The following UBE2J1 variants were observed in gnomAD, a reference collection of about 807,000 sequenced individuals.
UBE2J1 encodes the protein ubiquitin-conjugating enzyme E2 J1.
UBE2J1 carries 17 observed loss-of-function variants against 42.1 expected under a neutral mutation model. The observed-to-expected ratio is 0.40, with a 90% CI of 0.28 to 0.61. UBE2J1 has a LOEUF of 0.61. Among genes scored for constraint, UBE2J1 ranks in the 20% least tolerant of loss-of-function variants. The pLI, the probability that UBE2J1 is intolerant of heterozygous loss-of-function variation, is 0.38. For missense variants in UBE2J1, 291 were observed against 389.4 expected (o/e 0.75, Z 2.13); for synonymous variants, 127 against 137.2 (o/e 0.93, Z 0.52).
Position 89,343,770 on chromosome 6 carries a change from C to A in UBE2J1, c.32-14G>T. Reference sequence around the variant, plus strand: ...AACGTTTAACAGCTAAAATAAAATTCATAAAATAGAGATATTTAAAATATA... The same window carrying A: ...AACGTTTAACAGCTAAAATAAAATTAATAAAATAGAGATATTTAAAATATA... On this transcript the variant is annotated splice_polypyrimidine_tract_variant and intron_variant, in intron 1 of 7. Coordinates refer to ENST00000435041, the MANE Select transcript of UBE2J1 (RefSeq NM_016021.3). 6.3e-7 allele frequency: 1 copy of A among 1,579,370 alleles called. No homozygotes were observed. Among genetic ancestry groups the A allele is most frequent in the Non-Finnish European group, 8.6e-7 (1 of 1,156,972 alleles).
At chr6:89,349,368 G>GA (rs1768422257) in intron 1 of UBE2J1, among the ~76,000 whole-genome samples, 1 of 152,198 alleles carries the variant, frequency 6.6e-6, no homozygotes, top group South Asian at 2.1e-4. Flanking sequence ...GAAAGCTACT[G>GA]AAAATTTTTC....
intron 1 of UBE2J1, among the ~76,000 whole-genome samples, chr6:89,346,362 G>T (rs7743444): frequency 0.33 from 49,454 of 151,874 alleles, 9,157 homozygotes; most frequent in East Asian, 0.58. Context: ...ACTAAAGACT[G>T]ACGGCTGGGA....
intron 1 of UBE2J1, 120 bp from the exon 2 acceptor site, chr6:89,343,876 G>T: frequency 1.5e-6 from 1 of 650,976 alleles, no homozygotes; most frequent in Non-Finnish European, 2.5e-6. Context: ...ATATGGCAAA[G>T]GTTTAATTAT....
At chr6:89,346,266 GTTC>G (rs1288582813) in intron 1 of UBE2J1, among the ~76,000 whole-genome samples, 1 of 152,044 alleles carries the variant, frequency 6.6e-6, no homozygotes, top group Non-Finnish European at 1.5e-5. Flanking sequence ...CAGAGACTTT[GTTC>G]ACTGGATCAT....
At chr6:89,334,748 G>C (rs998247556) in intron 6 of UBE2J1, among the ~76,000 whole-genome samples, 1 of 152,104 alleles carries the variant, frequency 6.6e-6, no homozygotes, top group Admixed American at 6.5e-5. Context: ...GATTACAGGC[G>C]TGAGCCACCG....
At chr6:89,335,525 A>C (rs1224728389) in intron 5 of UBE2J1, 94 bp from the exon 6 acceptor site, 2 of 919,918 alleles carry the variant, frequency 2.2e-6, no homozygotes, top group South Asian at 2.9e-5. Context: ...TAAACTTAAA[A>C]GAAAGGAACA....
At chr6:89,347,673 TG>T in intron 1 of UBE2J1, among the ~76,000 whole-genome samples, 1 of 152,096 alleles carries the variant, frequency 6.6e-6, no homozygotes, top group South Asian at 2.1e-4. Flanking sequence ...ATTAGTCTCT[TG>T]TTTCCATAAG....
At chr6:89,335,977 A>G (rs1349268093) in intron 5 of UBE2J1, among the ~76,000 whole-genome samples, 1 of 152,178 alleles carries the variant, frequency 6.6e-6, no homozygotes, top group African/African-American at 2.4e-5. Context: ...GAGACTCAGG[A>G]TATGTCTGTT....
intron 5 of UBE2J1, among the ~76,000 whole-genome samples, chr6:89,337,932 C>T (rs940933382): frequency 3.9e-5 from 6 of 152,084 alleles, no homozygotes; most frequent in Admixed American, 3.9e-4. Context: ...TATTGTTTTC[C>T]AGGAGAATAT....
In UBE2J1 at chr6:89,343,746, A is replaced by G. The variant is rs745660510; in HGVS notation, c.42T>C (p.Arg14=). ...TCAATTCTGCCGCTTCTTTCATTAA[A>G]CGTTTAACAGCTAAAATAAAATTCA... ...RYNLKSPAVK[R]LMKEAAELKD... is the part of the protein sequence containing the mutation. Residue 14 remains arginine, a synonymous_variant, in exon 2 of 8, where the codon CGT becomes CGC. Coordinates refer to ENST00000435041, the MANE Select transcript of UBE2J1 (RefSeq NM_016021.3). The G allele has an allele frequency of 3.3e-5, 53 of 1,606,754 alleles. No homozygotes were observed. Among genetic ancestry groups the G allele is most frequent in the Non-Finnish European group, 4.5e-5 (53 of 1,176,344 alleles).
chr6:89,337,226 C>CT (rs202105618), intron 5 of UBE2J1, among the ~76,000 whole-genome samples: 33,282 of 135,966 alleles, frequency 0.24, 4,250 homozygotes, highest in African/African-American at 0.35. Flanking sequence ...AACTCCAGTT[C>CT]TTTTTTTTTT....
intron 1 of UBE2J1, among the ~76,000 whole-genome samples, chr6:89,352,087 G>A (rs1768493703): frequency 6.6e-6 from 1 of 152,158 alleles, no homozygotes; most frequent in Admixed American, 6.5e-5. Flanking sequence ...CCCAAGTGCT[G>A]CAAATAGGAT....
chr6:89,336,906 T>C (rs1234519849), intron 5 of UBE2J1, among the ~76,000 whole-genome samples: 2 of 151,772 alleles, frequency 1.3e-5, no homozygotes, highest in South Asian at 2.1e-4. Context: ...AGTGGCACAA[T>C]CATGGCTCAC....
intron 5 of UBE2J1, among the ~76,000 whole-genome samples, chr6:89,337,603 A>T (rs1196252554): frequency 6.6e-6 from 1 of 152,132 alleles, no homozygotes; most frequent in Admixed American, 6.5e-5. Context: ...AAAATTAGGT[A>T]TCAGCACTAC....
intron 1 of UBE2J1, 82 bp from the exon 2 acceptor site, chr6:89,343,838 A>C (rs1241312290): frequency 9.0e-7 from 1 of 1,106,286 alleles, no homozygotes; most frequent in Non-Finnish European, 1.3e-6. Context: ...CTAATGAAAA[A>C]ATGTGTAGAG....
At chr6:89,350,968 T>C (rs1490872384) in intron 1 of UBE2J1, among the ~76,000 whole-genome samples, 1 of 151,950 alleles carries the variant, frequency 6.6e-6, no homozygotes, top group Non-Finnish European at 1.5e-5. Context: ...TATACCACAA[T>C]GTAAATAATT....
Position 89,327,734 on chromosome 6 carries a change from A to G in UBE2J1, c.*1945T>C, listed in dbSNP as rs1209135093. On this transcript the variant is annotated 3_prime_UTR_variant, in exon 8 of 8. Transcript: ENST00000435041. The stretch of plus-strand genomic sequence containing the variant: ...GGTACACCCCATGGAAACATGCAAT[A>G]AGATCACATCGATCCAGAGGCTGGC... 1 of 152,214 alleles carries G rather than the reference A, an allele frequency of 6.6e-6. No individual in the cohort carries two copies. The highest frequency in any genetic ancestry group is 1.5e-5 in the Non-Finnish European group (1 of 68,042). The allele number at this position is 152,214 out of a possible 1,614,324, so 9.4% of individuals were successfully genotyped here.
chr6:89,342,279 A>C (rs1293281129), intron 3 of UBE2J1, 45 bp downstream of exon 3: 1 of 1,602,648 alleles, frequency 6.2e-7, no homozygotes, highest in Admixed American at 1.7e-5. Context: ...TGCAGCTACC[A>C]GGAAGAGTGA....
intron 1 of UBE2J1, among the ~76,000 whole-genome samples, chr6:89,347,042 C>T (rs758894313): frequency 1.3e-5 from 2 of 152,146 alleles, no homozygotes; most frequent in Non-Finnish European, 2.9e-5. Flanking sequence ...CTTAATAAAA[C>T]AATTAAACTT....
Sources: gnomAD v4.1 joint callset for allele counts (sites outside exome capture counted in the v4.1 genomes callset) on GRCh38, gnomAD v4.1.1 for gene constraint, MANE v1.5 for transcripts, NCBI Gene and HGNC (gene_info 2026-07-23, HGNC 2026-07-21) for gene names.